CAPRIN2: variants seen among roughly 807,000 people sequenced by gnomAD.
The protein encoded by CAPRIN2 is caprin-2.
CAPRIN2 carries 66 observed loss-of-function variants against 130.4 expected under a neutral mutation model. That is an observed-to-expected ratio of 0.51 (90% CI 0.42 to 0.62). The LOEUF is 0.62. CAPRIN2 is among the 20% of genes least tolerant of loss of function. The probability of loss-of-function intolerance (pLI) is 0.00; values close to 1 mark genes in which losing one functional copy is unlikely to be tolerated. For missense variants in CAPRIN2, 1,185 were observed against 1,246.6 expected, an observed-to-expected ratio of 0.95 and a Z score of 0.74; for synonymous variants, 471 against 444.1, an observed-to-expected ratio of 1.06 and a Z score of -0.76.
chr12:30,727,042 A>G (rs2061156850), intron 8 of CAPRIN2, among the ~76,000 whole-genome samples: 1 of 152,190 alleles, frequency 6.6e-6, no homozygotes, highest in Admixed American at 6.5e-5. Flanking sequence ...ATATGTTTTG[A>G]CCTTTCCAAA....
intron 15 of CAPRIN2, among the ~76,000 whole-genome samples, chr12:30,713,175 A>G (rs2055870584): frequency 6.6e-6 from 1 of 152,218 alleles, no homozygotes; most frequent in South Asian, 2.1e-4. Flanking sequence ...AAAAGCTTGT[A>G]AAACTTCAAA....
intron 13 of CAPRIN2, 159 bp from the exon 16 acceptor site, chr12:30,715,300 A>G: frequency 1.5e-6 from 1 of 656,348 alleles, no homozygotes; most frequent in Admixed American, 2.6e-5. Flanking sequence ...CATGACTCAA[A>G]TACGTAATTC....
At chr12:30,721,963 GTTC>G (rs534926774) in intron 11 of CAPRIN2, among the ~76,000 whole-genome samples, 231 of 152,302 alleles carry the variant, frequency 1.5e-3, no homozygotes, top group Non-Finnish European at 2.4e-3. Flanking sequence ...AAACTAGGTC[GTTC>G]TTCTGGCTCT....
At chr12:30,735,782 C>G (rs945280343) in intron 3 of CAPRIN2, among the ~76,000 whole-genome samples, 1 of 152,116 alleles carries the variant, frequency 6.6e-6, no homozygotes, top group Non-Finnish European at 1.5e-5. Flanking sequence ...CCCTGTCAGT[C>G]TGGACAGAGC....
exon 1 of CAPRIN2, chr12:30,753,804 A>G (rs1469264051): frequency 3.9e-6 from 6 of 1,551,040 alleles, no homozygotes; most frequent in Non-Finnish European, 5.2e-6. Context: ...CAATAAGGAT[A>G]GCCTTTACAT....
chr12:30,748,533 C>T (rs117125785), intron 2 of CAPRIN2, among the ~76,000 whole-genome samples: 1,860 of 152,322 alleles, frequency 0.012, 17 homozygotes, highest in South Asian at 0.021. Flanking sequence ...GTAACTTTTA[C>T]ATGCACTGGG....
chr12:30,716,532 G>T (rs1221241089), exon 13 of CAPRIN2: 1 of 1,613,790 alleles, frequency 6.2e-7, no homozygotes, highest in Non-Finnish European at 8.5e-7. Flanking sequence ...TGGACAGTTT[G>T]TTCTACATGT....
At chr12:30,740,369 A>G (rs2066892280) in intron 3 of CAPRIN2, among the ~76,000 whole-genome samples, 1 of 152,226 alleles carries the variant, frequency 6.6e-6, no homozygotes. Context: ...GAATGAATTT[A>G]TTTAAAAATT....
chr12:30,729,234 T>C, exon 8 of CAPRIN2: 2 of 1,612,838 alleles, frequency 1.2e-6, no homozygotes, highest in Non-Finnish European at 1.7e-6. Context: ...TTTTGGGAGA[T>C]TTGGTTTTCT....
chr12:30,730,524 G>T (rs891733771), intron 6 of CAPRIN2, among the ~76,000 whole-genome samples: 9 of 152,146 alleles, frequency 5.9e-5, no homozygotes, highest in African/African-American at 2.2e-4. Flanking sequence ...TCAAGTTTCA[G>T]TTTAAAACTG....
At position 30,733,214 on chromosome 12, in the gene CAPRIN2, C is replaced by T. The variant is rs560181274; in HGVS notation, c.892+415G>A. ...AGACCACTTCCAGATCAATAGACAA[C>T]GTTTCAATAGACTATAAAACCATTC... On this transcript the variant is annotated intron_variant, in intron 5 of 16. Transcript: ENST00000298892. Among the ~76,000 whole-genome samples, 15 of 152,160 alleles carry T rather than the reference C, an allele frequency of 9.9e-5. No individual in the cohort carries two copies. The East Asian group carries it at 2.3e-3, about 23-fold the overall frequency.
At chr12:30,726,172 AG>A in intron 8 of CAPRIN2, 84 bp from the exon 10 acceptor site, 1 of 1,176,406 alleles carries the variant, frequency 8.5e-7, no homozygotes. Flanking sequence ...TACATCTTAA[AG>A]GAAAAGAAAA....
chr12:30,736,714 G>C (rs1257382827), intron 3 of CAPRIN2, among the ~76,000 whole-genome samples: 1 of 152,218 alleles, frequency 6.6e-6, no homozygotes, highest in Non-Finnish European at 1.5e-5. Flanking sequence ...GAAAGGCTCA[G>C]TAAGGCTTTT....
chr12:30,713,692 G>T (rs2056244594), intron 15 of CAPRIN2, 93 bp downstream of exon 17: 4 of 738,690 alleles, frequency 5.4e-6, no homozygotes, highest in East Asian at 2.5e-5. Context: ...TGCACTTTCA[G>T]AAAACAAATT....
At chr12:30,736,824 T>C (rs80179782) in intron 3 of CAPRIN2, among the ~76,000 whole-genome samples, 69 of 152,286 alleles carry the variant, frequency 4.5e-4, no homozygotes, top group African/African-American at 1.6e-3. Flanking sequence ...GTGGCACTCC[T>C]AGCTCTCCAA....
At chr12:30,735,383 G>T in intron 3 of CAPRIN2, among the ~76,000 whole-genome samples, 177 bp from the exon 5 acceptor site, 1 of 152,114 alleles carries the variant, frequency 6.6e-6, no homozygotes, top group South Asian at 2.1e-4. Context: ...GTAATAAACT[G>T]GTTTGTCTCA....
chr12:30,753,754 G>C, exon 1 of CAPRIN2: 2 of 1,605,798 alleles, frequency 1.2e-6, no homozygotes, highest in Non-Finnish European at 1.7e-6. Flanking sequence ...TGAGATACTT[G>C]TACTTCCATC....
At chr12:30,741,059 G>A in exon 3 of CAPRIN2, 1 of 1,611,252 alleles carries the variant, frequency 6.2e-7, no homozygotes, top group Non-Finnish European at 8.5e-7. Flanking sequence ...GAAGCTCCTT[G>A]GCAAATTCCA....
chr12:30,732,910 T>C (rs1180074457), intron 5 of CAPRIN2, among the ~76,000 whole-genome samples: 4 of 152,158 alleles, frequency 2.6e-5, no homozygotes, highest in Non-Finnish European at 4.4e-5. Context: ...ATTAAAATAC[T>C]GCCAAACTAT....
Sources: gnomAD v4.1 joint callset for allele counts (sites outside exome capture counted in the v4.1 genomes callset) on GRCh38, gnomAD v4.1.1 for gene constraint, MANE v1.5 for transcripts, NCBI Gene and HGNC (gene_info 2026-07-23, HGNC 2026-07-21) for gene names.